Variants in GDPD5 observed in about 807,000 individuals in gnomAD.
GDPD5 encodes the protein glycerophosphodiester phosphodiesterase 2.
A neutral mutation model predicts 75.1 loss-of-function variants in GDPD5; 48 were observed. The ratio of observed to expected loss-of-function variants is 0.64; its 90% confidence interval spans 0.51 to 0.81. GDPD5 has a LOEUF of 0.81. Among genes scored for constraint, GDPD5 ranks in the 40% least tolerant of loss-of-function variants. The probability of loss-of-function intolerance (pLI) is 0.00; values close to 1 mark genes in which losing one functional copy is unlikely to be tolerated. For synonymous variants in GDPD5, 336 were observed against 339.0 expected, an observed-to-expected ratio of 0.99 and a Z score of 0.10; for missense variants, 706 against 822.6, an observed-to-expected ratio of 0.86 and a Z score of 1.73.
chr11:75,514,603 T>C (rs535062157), intron 1 of GDPD5, among the ~76,000 whole-genome samples: 1 of 152,324 alleles, frequency 6.6e-6, no homozygotes, highest in East Asian at 1.9e-4. Context: ...CCATTGACAG[T>C]TGAACCCCCA....
intron 10 of GDPD5, 39 bp downstream of exon 10, chr11:75,444,374 G>T: frequency 6.8e-7 from 1 of 1,469,666 alleles, no homozygotes; most frequent in Non-Finnish European, 9.5e-7. Context: ...GAAGCGTGTG[G>T]GAGGGGTAGA....
chr11:75,435,422 A>T lies in GDPD5; in HGVS notation c.*85T>A, dbSNP rs1948599447. 7.7e-7 allele frequency: 1 copy of T among 1,304,838 alleles called. No individual in the cohort carries two copies. The highest frequency in any genetic ancestry group is 1.5e-5 in the African/African-American group (1 of 67,926). 80.8% of individuals were successfully genotyped at this position (1,304,838 alleles called of 1,614,324 possible). The stretch of plus-strand genomic sequence containing the variant: ...AGGCTGTGGAGCCCGCTCCCAGAGC[A>T]CTCCGAGTTCAGACACACTTCCACC... On this transcript the variant is annotated 3_prime_UTR_variant, in exon 17 of 17. Coordinates refer to ENST00000336898, the MANE Select transcript of GDPD5 (RefSeq NM_030792.8).
chr11:75,504,683 A>G (rs1950358570), intron 1 of GDPD5, among the ~76,000 whole-genome samples: 1 of 152,202 alleles, frequency 6.6e-6, no homozygotes, highest in Admixed American at 6.5e-5. Flanking sequence ...GTAGTTGTGT[A>G]ATAGGTATAG....
At chr11:75,452,160 C>A (rs190100726) in intron 6 of GDPD5, 14 of 152,430 alleles carry the variant, frequency 9.2e-5, no homozygotes, top group African/African-American at 3.4e-4. Flanking sequence ...TGCAGAGGTG[C>A]AACAGCTGGC....
At chr11:75,455,033 AC>A (rs1440036494) in intron 6 of GDPD5, among the ~76,000 whole-genome samples, 1 of 152,126 alleles carries the variant, frequency 6.6e-6, no homozygotes, top group Non-Finnish European at 1.5e-5. Flanking sequence ...ACCTGAAAGG[AC>A]CCTGCTCATG....
chr11:75,441,442 G>T, intron 13 of GDPD5, 132 bp from the exon 14 acceptor site: 1 of 1,272,880 alleles, frequency 7.9e-7, no homozygotes, highest in Non-Finnish European at 1.1e-6. Flanking sequence ...GCTCCAGAGG[G>T]CCAAGCTCCG....
At chr11:75,482,946 G>A (rs1429728505) in intron 2 of GDPD5, among the ~76,000 whole-genome samples, 1 of 152,162 alleles carries the variant, frequency 6.6e-6, no homozygotes, top group Non-Finnish European at 1.5e-5. Flanking sequence ...GGACTTCTTG[G>A]ACCATACTTC....
rs997005371 is a variant in GDPD5 at position 75,437,181 on chromosome 11, G to C, written c.1557-133C>G. 1.2e-5 allele frequency: 8 copies of C among 650,982 alleles called. No homozygotes were observed. In the African/African-American group the frequency reaches 1.4e-4, roughly 12 times the overall value. 40.3% of individuals were successfully genotyped at this position (650,982 alleles called of 1,614,324 possible). On this transcript the variant is annotated intron_variant, in intron 15 of 16. Transcript: ENST00000336898. ...GACTCTTGTCCCACTGTACAATGGGGAAATAGGCCCAGAGAGGGCAGAGTT... is the reference window on the plus strand; with the variant it reads ...GACTCTTGTCCCACTGTACAATGGGCAAATAGGCCCAGAGAGGGCAGAGTT...
chr11:75,523,602 C>T (rs1941548784), intron 1 of GDPD5, among the ~76,000 whole-genome samples: 1 of 152,228 alleles, frequency 6.6e-6, no homozygotes, highest in Admixed American at 6.5e-5. Context: ...ATGGATGCAT[C>T]AAGAGGTCAC....
intron 3 of GDPD5, among the ~76,000 whole-genome samples, chr11:75,470,269 C>T (rs1949630969): frequency 6.6e-6 from 1 of 152,216 alleles, no homozygotes; most frequent in Non-Finnish European, 1.5e-5. Flanking sequence ...CTTATAAAAG[C>T]TTTCCTTATG....
chr11:75,492,646 C>T (rs772047856), intron 1 of GDPD5, among the ~76,000 whole-genome samples: 19 of 152,234 alleles, frequency 1.2e-4, no homozygotes, highest in Non-Finnish European at 2.1e-4. Context: ...CTCTCTGATC[C>T]TCATTCATAG....
chr11:75,495,771 T>C (rs1950197560), intron 1 of GDPD5, among the ~76,000 whole-genome samples: 1 of 152,186 alleles, frequency 6.6e-6, no homozygotes, highest in Non-Finnish European at 1.5e-5. Flanking sequence ...CTATTTGTAT[T>C]TTTGCTCTCA....
chr11:75,449,176 G>A (rs1949064404), intron 8 of GDPD5, 54 bp from the exon 9 acceptor site: 4 of 1,527,178 alleles, frequency 2.6e-6, no homozygotes, highest in Admixed American at 4.5e-5. Flanking sequence ...AGGTTGGGGT[G>A]CAATGCTGGA....
chr11:75,496,284 T>C (rs564322410), intron 1 of GDPD5, among the ~76,000 whole-genome samples: 1 of 152,348 alleles, frequency 6.6e-6, no homozygotes, highest in Non-Finnish European at 1.5e-5. Flanking sequence ...CCCTGACACC[T>C]GGGCTGGCAA....
chr11:75,501,510 C>T (rs1165622297), intron 1 of GDPD5, among the ~76,000 whole-genome samples: 4 of 152,248 alleles, frequency 2.6e-5, no homozygotes, highest in Admixed American at 6.5e-5. Flanking sequence ...AACAGGGACT[C>T]GGGCCATGGC....
At chr11:75,520,566 C>T (rs1451739808) in intron 1 of GDPD5, among the ~76,000 whole-genome samples, 1 of 152,120 alleles carries the variant, frequency 6.6e-6, no homozygotes, top group Admixed American at 6.5e-5. Context: ...ATCCACAGAC[C>T]ACAGTCAGTG....
At chr11:75,436,913 C>A in intron 16 of GDPD5, 23 bp downstream of exon 16, 1 of 1,587,090 alleles carries the variant, frequency 6.3e-7, no homozygotes, top group East Asian at 2.2e-5. Flanking sequence ...GGCCTGCCTC[C>A]ACCTGTCTGC....
At chr11:75,456,564 G>C (rs1949289961) in intron 6 of GDPD5, 193 bp downstream of exon 6, 1 of 603,054 alleles carries the variant, frequency 1.7e-6, no homozygotes, top group South Asian at 2.0e-5. Context: ...CAAGGTTGCT[G>C]TAAGGGTTAA....
rs570003154 is a variant in GDPD5, at chr11:75,480,767, C to T, written c.-60-2972G>A. ...GATCTGCCACCTATTTTTGTACAGC[C>T]CAAAAGCTAAGAATAGTCTTTATGT... On this transcript the variant is annotated intron_variant, in intron 2 of 16. Transcript: ENST00000336898. Among the ~76,000 whole-genome samples the T allele has an allele frequency of 2.6e-5, 4 of 152,080 alleles. No individual in the cohort carries two copies. The South Asian group carries it at 8.3e-4, about 32-fold the overall frequency.
Sources: allele counts gnomAD v4.1 joint callset (sites outside exome capture counted in the v4.1 genomes callset), GRCh38; gene constraint gnomAD v4.1.1; transcripts MANE v1.5; gene names NCBI Gene and HGNC (gene_info 2026-07-23, HGNC 2026-07-21).